The following CACNA2D1 variants were observed in gnomAD, a reference collection of about 807,000 sequenced individuals.
CACNA2D1 encodes the protein calcium voltage-gated channel auxiliary subunit alpha2delta 1.
CACNA2D1 carries 53 observed loss-of-function variants against 171.5 expected under a neutral mutation model. That is an observed-to-expected ratio of 0.31 (90% confidence interval 0.25 to 0.39). The LOEUF (loss-of-function observed/expected upper bound fraction) is 0.39. Ranked by LOEUF, CACNA2D1 falls within the 10% of genes least tolerant of loss-of-function variation. CACNA2D1 has a pLI of 1.00. For missense variants in CACNA2D1, 903 were observed against 1,299.8 expected, an observed-to-expected ratio of 0.69 and a Z score of 4.69; for synonymous variants, 442 against 443.1, an observed-to-expected ratio of 1.00 and a Z score of 0.03.
rs1292339326 is a variant in CACNA2D1, at chr7:81,982,550, A to T, written c.1955+17T>A. 6.6e-7 allele frequency: 1 copy of T among 1,524,090 alleles called. No homozygotes were observed. Among genetic ancestry groups the T allele is most frequent in the Admixed American group, 1.7e-5 (1 of 59,890 alleles). The allele number at this position is 1,524,090 out of a possible 1,614,324, so 94.4% of individuals were successfully genotyped here. On this transcript the variant is annotated intron_variant, in intron 24 of 38. Coordinates refer to ENST00000356860, the MANE Select transcript of CACNA2D1 (RefSeq NM_000722.4). ...AGCTACTGATAGAAGATGTATCAAA[A>T]ATACAACAAAACCAACCTTGGTGCT...
chr7:82,020,859 C>T (rs1037781535), intron 12 of CACNA2D1: 6 of 152,038 alleles, frequency 3.9e-5, no homozygotes, highest in Admixed American at 3.3e-4. Flanking sequence ...AGAATTTAAT[C>T]GATGTCTGTT....
intron 10 of CACNA2D1, among the ~76,000 whole-genome samples, chr7:82,047,990 A>T (rs1425594665): frequency 6.6e-6 from 1 of 152,164 alleles, no homozygotes; most frequent in Non-Finnish European, 1.5e-5. Context: ...GCCTGGAAGC[A>T]TCCAGATTCA....
intron 18 of CACNA2D1, among the ~76,000 whole-genome samples, chr7:82,003,405 T>A (rs1325758466): frequency 6.6e-6 from 1 of 151,970 alleles, no homozygotes; most frequent in Non-Finnish European, 1.5e-5. Flanking sequence ...TTCTCTGTAA[T>A]ATTATAAATT....
At chr7:82,001,100 AC>A (rs1798565928) in intron 18 of CACNA2D1, among the ~76,000 whole-genome samples, 1 of 152,082 alleles carries the variant, frequency 6.6e-6, no homozygotes, top group African/African-American at 2.4e-5. Context: ...ACATGTGATA[AC>A]TGAAGTTTTG....
intron 1 of CACNA2D1, among the ~76,000 whole-genome samples, chr7:82,422,508 A>G (rs1350246488): frequency 6.6e-6 from 1 of 152,184 alleles, no homozygotes; most frequent in Non-Finnish European, 1.5e-5. Context: ...GAGATGCAGC[A>G]TCTTTGTAAA....
chr7:82,077,480 G>GA (rs1211978934), intron 7 of CACNA2D1, among the ~76,000 whole-genome samples: 2 of 151,934 alleles, frequency 1.3e-5, no homozygotes, highest in Non-Finnish European at 2.9e-5. Context: ...AGAGTAGTGA[G>GA]ATCTGGGTGC....
intron 1 of CACNA2D1, 35 bp downstream of exon 1, chr7:82,443,330 T>C (rs543254691): frequency 1.3e-6 from 2 of 1,532,580 alleles, no homozygotes; most frequent in South Asian, 2.3e-5. Context: ...GCGGCGCCCC[T>C]CGGCCGGCGC....
chr7:82,399,914 T>A (rs1418594894), intron 1 of CACNA2D1, among the ~76,000 whole-genome samples: 4 of 152,146 alleles, frequency 2.6e-5, no homozygotes, highest in Non-Finnish European at 5.9e-5. Context: ...GTTTGTAGCA[T>A]CACACATTCA....
chr7:82,381,752 A>C lies in CACNA2D1; in HGVS notation c.96-32103T>G, dbSNP rs182896317. ...TTTCCATATATAAATTGTACATCAG[A>C]TTTATTCCCTTCTTACTTTGGCTGG... On this transcript the variant is annotated intron_variant, in intron 1 of 38. Coordinates refer to ENST00000356860, the MANE Select transcript of CACNA2D1 (RefSeq NM_000722.4). 1.6e-3 allele frequency among the ~76,000 whole-genome samples: 239 copies of C among 152,260 alleles called. 3 individuals are homozygous for C. The highest frequency in any genetic ancestry group is 1.8e-4 in the Non-Finnish European group (12 of 68,024).
At chr7:82,252,951 G>A (rs151181521) in intron 3 of CACNA2D1, among the ~76,000 whole-genome samples, 2 of 152,100 alleles carry the variant, frequency 1.3e-5, no homozygotes, top group South Asian at 2.1e-4. Context: ...GTGGATTGAG[G>A]GAGAGATAAG....
At chr7:82,230,280 T>C (rs1370567784) in intron 3 of CACNA2D1, among the ~76,000 whole-genome samples, 1 of 152,358 alleles carries the variant, frequency 6.6e-6, no homozygotes, top group Non-Finnish European at 1.5e-5. Context: ...GAGAATAGTA[T>C]CCACATTTGG....
intron 21 of CACNA2D1, among the ~76,000 whole-genome samples, chr7:81,990,658 G>A (rs868751275): frequency 6.6e-6 from 1 of 152,144 alleles, no homozygotes; most frequent in African/African-American, 2.4e-5. Context: ...GAAAGTGAAG[G>A]AAGTGTTGAG....
chr7:82,359,829 C>G (rs964538965), intron 1 of CACNA2D1, among the ~76,000 whole-genome samples: 15 of 152,164 alleles, frequency 9.9e-5, no homozygotes, highest in Non-Finnish European at 2.2e-4. Context: ...TAGCACAGTT[C>G]TGAACATACA....
At chr7:82,048,306 C>CAGG (rs926595945) in intron 10 of CACNA2D1, among the ~76,000 whole-genome samples, 133 of 152,022 alleles carry the variant, frequency 8.7e-4, no homozygotes, top group African/African-American at 3.2e-3. Context: ...AACTACATAG[C>CAGG]AGGAGAGATT....
intron 1 of CACNA2D1, among the ~76,000 whole-genome samples, chr7:82,363,041 C>A (rs1315457764): frequency 6.6e-6 from 1 of 152,026 alleles, no homozygotes; most frequent in Non-Finnish European, 1.5e-5. Context: ...AAGACCTATT[C>A]TTTACATACA....
chr7:82,362,088 A>G (rs1585654427), intron 1 of CACNA2D1, among the ~76,000 whole-genome samples: 1 of 152,320 alleles, frequency 6.6e-6, no homozygotes, highest in South Asian at 2.1e-4. Context: ...TGAAAAGAGA[A>G]TGGTATTTTA....
chr7:82,136,776 T>C lies in CACNA2D1; in HGVS notation c.355-100A>G. 3 of 827,286 alleles carry C rather than the reference T, an allele frequency of 3.6e-6. No homozygotes were observed. The South Asian group carries it at 4.8e-5, about 13-fold the overall frequency. 51.2% of individuals were successfully genotyped at this position (827,286 alleles called of 1,614,324 possible). A position where few individuals can be genotyped will look rare whatever the true frequency, so the allele number is the denominator to read the frequency against. On this transcript the variant is annotated intron_variant, in intron 4 of 38. Coordinates refer to ENST00000356860, the MANE Select transcript of CACNA2D1 (RefSeq NM_000722.4). ...ATATTATAAAATAAACTCCTTGTCATCTTTCTTTCACAATATATTCCACAA... is the reference window on the plus strand; with the variant it reads ...ATATTATAAAATAAACTCCTTGTCACCTTTCTTTCACAATATATTCCACAA...
intron 21 of CACNA2D1, among the ~76,000 whole-genome samples, chr7:81,985,659 C>T (rs1222934828): frequency 6.6e-5 from 10 of 152,190 alleles, no homozygotes; most frequent in Non-Finnish European, 1.0e-4. Context: ...TTAGTTTATA[C>T]CCAATAGTAA....
intron 10 of CACNA2D1, among the ~76,000 whole-genome samples, chr7:82,051,367 T>G (rs1351009756): frequency 6.6e-6 from 1 of 151,930 alleles, no homozygotes; most frequent in Non-Finnish European, 1.5e-5. Context: ...CTTCTAGGAC[T>G]GCTGCTTAGC....
Sources: gnomAD v4.1 joint callset for allele counts (sites outside exome capture counted in the v4.1 genomes callset) on GRCh38, gnomAD v4.1.1 for gene constraint, MANE v1.5 for transcripts, NCBI Gene and HGNC (gene_info 2026-07-23, HGNC 2026-07-21) for gene names.